Variants in ARHGEF12 observed in about 807,000 individuals in gnomAD.
ARHGEF12 encodes KMT2A/ARHGEF12 fusion protein.
ARHGEF12 carries 66 observed loss-of-function variants against 211.2 expected under a neutral mutation model. The ratio of observed to expected loss-of-function variants is 0.31; its 90% CI spans 0.26 to 0.38. The LOEUF (loss-of-function observed/expected upper bound fraction) is 0.38. ARHGEF12 is among the 10% of genes least tolerant of loss of function. The probability of loss-of-function intolerance (pLI) is 1.00; values close to 1 mark genes in which losing one functional copy is unlikely to be tolerated. For synonymous variants in ARHGEF12, 592 were observed against 638.4 expected (o/e 0.93, Z 1.09); for missense variants, 1,429 against 1,869.5 (o/e 0.76, Z 4.34).
chr11:120,340,684 T>C (rs1942507937), intron 1 of ARHGEF12, among the ~76,000 whole-genome samples: 2 of 152,238 alleles, frequency 1.3e-5, no homozygotes, highest in African/African-American at 2.4e-5. Flanking sequence ...GTGAAATTAT[T>C]TGTAACCTTT....
At chr11:120,415,865 A>T (rs933101194) in intron 4 of ARHGEF12, among the ~76,000 whole-genome samples, 14 of 152,248 alleles carry the variant, frequency 9.2e-5, no homozygotes, top group African/African-American at 3.1e-4. Context: ...ACTGATTTAA[A>T]GTACATGTTA....
chr11:120,435,353 T>C (rs1299280782), intron 11 of ARHGEF12, among the ~76,000 whole-genome samples: 1 of 152,124 alleles, frequency 6.6e-6, no homozygotes, highest in African/African-American at 2.4e-5. Context: ...TTGATCACAT[T>C]AGGTTTGATA....
intron 30 of ARHGEF12, among the ~76,000 whole-genome samples, chr11:120,472,375 T>C (rs761483801): frequency 6.6e-6 from 1 of 152,180 alleles, no homozygotes; most frequent in Admixed American, 6.5e-5. Context: ...TAGTGATTGC[T>C]TCTTTAGGGA....
At chr11:120,457,808 C>A (rs1445169401) in intron 24 of ARHGEF12, 52 bp downstream of exon 24, 3 of 1,562,038 alleles carry the variant, frequency 1.9e-6, no homozygotes, top group Non-Finnish European at 1.7e-6. Context: ...AGAAACGTAA[C>A]CTTTTTTCCT....
chr11:120,419,026 C>A (rs539034951), intron 4 of ARHGEF12, among the ~76,000 whole-genome samples: 11 of 151,010 alleles, frequency 7.3e-5, no homozygotes, highest in Non-Finnish European at 1.5e-4. Flanking sequence ...CAGGCTGGAC[C>A]CGCCTCCCAG....
chr11:120,458,412 T>C, intron 25 of ARHGEF12, 178 bp downstream of exon 25: 1 of 601,006 alleles, frequency 1.7e-6, no homozygotes. Flanking sequence ...GTTTCTCTGA[T>C]TCTTATTGAT....
chr11:120,446,593 G>A (rs965526649), intron 17 of ARHGEF12, 85 bp downstream of exon 17: 9 of 986,244 alleles, frequency 9.1e-6, no homozygotes, highest in Non-Finnish European at 1.1e-5. Context: ...TAAATACTTA[G>A]CTTAGCACTA....
chr11:120,445,298 C>G (rs1264274285), intron 15 of ARHGEF12, 124 bp from the exon 16 acceptor site: 1 of 873,974 alleles, frequency 1.1e-6, no homozygotes, highest in African/African-American at 1.6e-5. Context: ...AATAAATGAG[C>G]TTGTACTTGA....
chr11:120,342,966 A>G (rs1942582609), intron 1 of ARHGEF12, among the ~76,000 whole-genome samples: 1 of 152,140 alleles, frequency 6.6e-6, no homozygotes, highest in Admixed American at 6.5e-5. Context: ...CTTAAATTGT[A>G]GGTCAAAACA....
At chr11:120,477,777 GA>G (rs1307203064) in intron 36 of ARHGEF12, 1 of 371,536 alleles carries the variant, frequency 2.7e-6, no homozygotes, top group South Asian at 6.4e-5. Context: ...GAGGCAGGGA[GA>G]ATTGCTTGAA....
At chr11:120,448,508 A>G in intron 20 of ARHGEF12, 160 bp downstream of exon 20, 1 of 608,496 alleles carries the variant, frequency 1.6e-6, no homozygotes. Context: ...AACTCAAAAT[A>G]CAGTGAGAAA....
chr11:120,485,176 C>T lies in ARHGEF12; in HGVS notation c.*99C>T, dbSNP rs143506939. 7.2e-4 allele frequency: 1,078 copies of T among 1,507,234 alleles called. 4 individuals are homozygous for T. The African/African-American group carries it at 0.012, about 17-fold the overall frequency. The allele number at this position is 1,507,234 out of a possible 1,614,324, so 93.4% of individuals were successfully genotyped here. A position where few individuals can be genotyped will look rare whatever the true frequency, so the allele number is the denominator to read the frequency against. On this transcript the variant is annotated 3_prime_UTR_variant, in exon 41 of 41. Coordinates refer to ENST00000397843, the MANE Select transcript of ARHGEF12 (RefSeq NM_015313.3). ...CAGTGTGGATGCAGAGAGAGTGTGACAGAGGATCTGCCTGTGAACCACCTG... is the reference window on the plus strand; with the variant it reads ...CAGTGTGGATGCAGAGAGAGTGTGATAGAGGATCTGCCTGTGAACCACCTG...
chr11:120,387,067 A>G (rs766399748), intron 1 of ARHGEF12, among the ~76,000 whole-genome samples: 19 of 152,084 alleles, frequency 1.2e-4, no homozygotes, highest in Non-Finnish European at 2.2e-4. Context: ...AAATCATTTA[A>G]CATCGTCTGT....
chr11:120,442,082 T>C, intron 14 of ARHGEF12, 22 bp from the exon 15 acceptor site: 1 of 1,530,048 alleles, frequency 6.5e-7, no homozygotes, highest in South Asian at 1.2e-5. Flanking sequence ...TTTTGTCTTT[T>C]TCATTCCTTT....
At chr11:120,469,125 C>T (rs1946796433) in intron 29 of ARHGEF12, among the ~76,000 whole-genome samples, 163 bp from the exon 30 acceptor site, 1 of 152,162 alleles carries the variant, frequency 6.6e-6, no homozygotes, top group Non-Finnish European at 1.5e-5. Flanking sequence ...TGTCCAAAGA[C>T]TGCTTGAATT....
chr11:120,339,369 T>C (rs901861173), intron 1 of ARHGEF12, among the ~76,000 whole-genome samples: 1 of 152,214 alleles, frequency 6.6e-6, no homozygotes, highest in Non-Finnish European at 1.5e-5. Context: ...GGTTTAGTAT[T>C]ATTTCTCTGC....
At chr11:120,482,383 G>T (rs1947271828) in intron 39 of ARHGEF12, among the ~76,000 whole-genome samples, 1 of 152,138 alleles carries the variant, frequency 6.6e-6, no homozygotes. Context: ...TTGTAGATTG[G>T]TAATTGAAGA....
intron 1 of ARHGEF12, among the ~76,000 whole-genome samples, chr11:120,373,953 A>C (rs1943657065): frequency 6.6e-6 from 1 of 152,114 alleles, no homozygotes; most frequent in Non-Finnish European, 1.5e-5. Context: ...GATTACAGGC[A>C]TGCACCACCA....
chr11:120,378,499 A>G (rs1471260727), intron 1 of ARHGEF12, among the ~76,000 whole-genome samples: 3 of 152,194 alleles, frequency 2.0e-5, no homozygotes, highest in Admixed American at 6.5e-5. Flanking sequence ...AGTTCAGTCT[A>G]TCAACTTTTT....
Sources: allele counts gnomAD v4.1 joint callset (sites outside exome capture counted in the v4.1 genomes callset), GRCh38; gene constraint gnomAD v4.1.1; transcripts MANE v1.5; gene names NCBI Gene and HGNC (gene_info 2026-07-23, HGNC 2026-07-21).